MGMT: variants seen among roughly 807,000 people sequenced by gnomAD.
MGMT encodes the protein methylated-DNA--protein-cysteine methyltransferase.
MGMT carries 14 observed loss-of-function variants against 15.9 expected under a neutral mutation model. That is an observed-to-expected ratio of 0.88 (90% CI 0.58 to 1.37). The LOEUF is 1.37. Among genes scored for constraint, MGMT ranks in the 40% most tolerant of loss-of-function variants. The pLI is 0.00. For synonymous variants in MGMT, 130 were observed against 118.2 expected (o/e 1.10, Z -0.65); for missense variants, 282 against 268.1 (o/e 1.05, Z -0.36).
At chr10:129,623,198 C>A (rs1265987761) in intron 2 of MGMT, among the ~76,000 whole-genome samples, 3 of 152,144 alleles carry the variant, frequency 2.0e-5, no homozygotes, top group Non-Finnish European at 4.4e-5. Context: ...TAGGAGCATA[C>A]AGTCTAGTTA....
intron 2 of MGMT, among the ~76,000 whole-genome samples, chr10:129,607,536 C>T (rs1487613112): frequency 1.3e-5 from 2 of 152,180 alleles, no homozygotes; most frequent in Non-Finnish European, 2.9e-5. Context: ...CTGTGCCGCA[C>T]AGCATGTCAT....
intron 2 of MGMT, among the ~76,000 whole-genome samples, chr10:129,690,427 A>T (rs1381202285): frequency 1.3e-5 from 2 of 152,170 alleles, no homozygotes; most frequent in Non-Finnish European, 2.9e-5. Context: ...TTGTGGCATG[A>T]GTATGTACAA....
intron 2 of MGMT, among the ~76,000 whole-genome samples, chr10:129,645,642 G>C (rs572555538): frequency 6.6e-6 from 1 of 152,214 alleles, no homozygotes; most frequent in South Asian, 2.1e-4. Flanking sequence ...GGATTTGTGC[G>C]TGTCGGTGGT....
chr10:129,702,817 G>A (rs958684928), intron 2 of MGMT, among the ~76,000 whole-genome samples: 17 of 152,356 alleles, frequency 1.1e-4, no homozygotes, highest in Middle Eastern at 6.8e-3. Flanking sequence ...AGACTGGGAC[G>A]TGGCATTTCC....
intron 2 of MGMT, among the ~76,000 whole-genome samples, chr10:129,626,668 G>C (rs888801072): frequency 2.6e-5 from 4 of 152,160 alleles, no homozygotes; most frequent in African/African-American, 9.7e-5. Context: ...TGTTGGAGAC[G>C]ACAGGCTCCG....
chr10:129,687,259 G>A (rs1457745633), intron 2 of MGMT, among the ~76,000 whole-genome samples: 4 of 151,680 alleles, frequency 2.6e-5, no homozygotes, highest in African/African-American at 9.7e-5. Flanking sequence ...CTAGACAGGT[G>A]TACAGTTACC....
At chr10:129,589,523 C>G (rs1165842765) in intron 2 of MGMT, among the ~76,000 whole-genome samples, 1 of 152,224 alleles carries the variant, frequency 6.6e-6, no homozygotes, top group Non-Finnish European at 1.5e-5. Flanking sequence ...GTGGCCTCTA[C>G]TAAATATATA....
intron 2 of MGMT, among the ~76,000 whole-genome samples, chr10:129,602,066 G>GA (rs1338301851): frequency 8.5e-5 from 13 of 152,056 alleles, no homozygotes; most frequent in African/African-American, 3.1e-4. Context: ...CCCCAAGAAG[G>GA]AAAAAAAGTT....
intron 2 of MGMT, among the ~76,000 whole-genome samples, chr10:129,612,391 C>T (rs1310631983): frequency 1.3e-5 from 2 of 152,230 alleles, no homozygotes; most frequent in Non-Finnish European, 2.9e-5. Context: ...AACAGTCTCT[C>T]AGGTTACATT....
chr10:129,672,336 T>G lies in MGMT; in HGVS notation c.126-35559T>G, dbSNP rs150780177. Among the ~76,000 whole-genome samples, 604 of 152,348 alleles carry G rather than the reference T, an allele frequency of 4.0e-3. 5 individuals are homozygous for G. Among genetic ancestry groups the G allele is most frequent in the African/African-American group, 0.013 (552 of 41,582 alleles). On this transcript the variant is annotated intron_variant, in intron 2 of 4. Coordinates refer to ENST00000651593, the MANE Select transcript of MGMT (RefSeq NM_002412.5). ...CTGACTAGGTGTGGACACCTTTTATTTATCTTGCTTTGAGATCACAGGGAT... is the reference window on the plus strand; with the variant it reads ...CTGACTAGGTGTGGACACCTTTTATGTATCTTGCTTTGAGATCACAGGGAT...
At chr10:129,760,973 C>T (rs1047965617) in intron 4 of MGMT, among the ~76,000 whole-genome samples, 2 of 152,124 alleles carry the variant, frequency 1.3e-5, no homozygotes, top group Admixed American at 6.5e-5. Context: ...ATTTTTACGG[C>T]GCGTTGGGGG....
chr10:129,549,289 G>A (rs1003683420), intron 2 of MGMT, among the ~76,000 whole-genome samples: 4 of 152,060 alleles, frequency 2.6e-5, no homozygotes, highest in Non-Finnish European at 4.4e-5. Context: ...ATATCCTCTC[G>A]TTTTTTGCAT....
At chr10:129,680,534 G>C (rs904813552) in intron 2 of MGMT, among the ~76,000 whole-genome samples, 6 of 138,810 alleles carry the variant, frequency 4.3e-5, no homozygotes, top group Non-Finnish European at 8.4e-5. Context: ...CCCCGGATCT[G>C]AAACACTGGC....
intron 2 of MGMT, among the ~76,000 whole-genome samples, chr10:129,619,485 A>G (rs1847066339): frequency 6.6e-6 from 1 of 152,086 alleles, no homozygotes; most frequent in Admixed American, 6.5e-5. Flanking sequence ...TTTAGGCTTT[A>G]TTATCGGGGT....
At position 129,580,995 on chromosome 10, in the gene MGMT, TG is replaced by T. The variant is rs1297323819; in HGVS notation, c.125+44623del. ...TGGCACAGGAATCAAAGCAGGTGCT[TG>T]GGGGATGTCAACAGTTGAATTTGGA... On this transcript the variant is annotated intron_variant, in intron 2 of 4. Coordinates refer to ENST00000651593, the MANE Select transcript of MGMT (RefSeq NM_002412.5). Among the ~76,000 whole-genome samples, 14 of 152,212 alleles carry T rather than the reference TG, an allele frequency of 9.2e-5. No homozygotes were observed. The South Asian group carries it at 1.5e-3, about 16-fold the overall frequency.
At chr10:129,530,404 G>T (rs1845917839) in intron 1 of MGMT, among the ~76,000 whole-genome samples, 1 of 152,198 alleles carries the variant, frequency 6.6e-6, no homozygotes, top group South Asian at 2.1e-4. Context: ...CTTTTTGTGG[G>T]TAATTTTTCT....
Position 129,759,236 on chromosome 10 carries a change from G to A in MGMT, c.309G>A (p.Leu103=). 2 of 1,613,852 alleles carry A rather than the reference G, an allele frequency of 1.2e-6. No homozygotes were observed. Among genetic ancestry groups the A allele is most frequent in the Non-Finnish European group, 1.7e-6 (2 of 1,180,048 alleles). Residue 103 remains leucine (L), a synonymous_variant, in exon 4 of 5, where the codon CTG becomes CTA. Transcript: ENST00000651593. ...CCAGACAGGTGTTATGGAAGCTGCT[G>A]AAGGTTGTGAAATTCGGAGAAGTGA... is the stretch of plus-strand genomic sequence containing the variant. ...SFTRQVLWKL[L]KVVKFGEVIS...
Position 129,654,316 on chromosome 10 carries a change from G to A in MGMT, c.126-53579G>A, listed in dbSNP as rs542635361. ...AGGGCGTGGAGCAGGTGCCCAGGTC[G>A]GGTACAGAGACAGGCCTGGGACCTG... On this transcript the variant is annotated intron_variant, in intron 2 of 4. Coordinates refer to ENST00000651593, the MANE Select transcript of MGMT (RefSeq NM_002412.5). Among the ~76,000 whole-genome samples the A allele has an allele frequency of 6.6e-5, 10 of 152,258 alleles. No homozygotes were observed. In the South Asian group the frequency reaches 1.0e-3, roughly 16 times the overall value.
intron 2 of MGMT, among the ~76,000 whole-genome samples, chr10:129,704,431 A>G (rs562814332): frequency 3.9e-5 from 6 of 151,986 alleles, no homozygotes; most frequent in Admixed American, 1.3e-4. Context: ...CCTGTGTATT[A>G]AGGGTACTGG....
Sources: allele counts gnomAD v4.1 joint callset (sites outside exome capture counted in the v4.1 genomes callset), GRCh38; gene constraint gnomAD v4.1.1; transcripts MANE v1.5; gene names NCBI Gene and HGNC (gene_info 2026-07-23, HGNC 2026-07-21).